Variants in GPHN observed in about 807,000 individuals in gnomAD.
GPHN encodes the protein gephyrin.
A neutral mutation model predicts 95.5 loss-of-function variants in GPHN; 17 were observed. The ratio of observed to expected loss-of-function variants is 0.18; its 90% CI spans 0.12 to 0.27. GPHN has a LOEUF of 0.27. Ranked by LOEUF, GPHN falls within the 10% of genes least tolerant of loss-of-function variation. The pLI is 1.00. For missense variants in GPHN, 660 were observed against 978.1 expected (o/e 0.67, Z 4.34); for synonymous variants, 320 against 322.5 (o/e 0.99, Z 0.08).
At chr14:67,064,644 T>A (rs1285582159) in intron 11 of GPHN, among the ~76,000 whole-genome samples, 1 of 152,238 alleles carries the variant, frequency 6.6e-6, no homozygotes, top group East Asian at 1.9e-4. Context: ...ATTCAACTTC[T>A]TCCTGCTTTA....
intron 9 of GPHN, among the ~76,000 whole-genome samples, chr14:67,008,333 G>A (rs1285694012): frequency 6.6e-6 from 1 of 151,698 alleles, no homozygotes; most frequent in Non-Finnish European, 1.5e-5. Context: ...GTGCGTGCCT[G>A]TAATCCCAGC....
the GPHN span, among the ~76,000 whole-genome samples, chr14:67,659,012 G>A: frequency 1.1e-4 from 16 of 152,206 alleles, no homozygotes; most frequent in Admixed American, 5.9e-4. Context: ...TTTGTGTTGT[G>A]TTTGTGGAAG....
chr14:67,546,309 G>A, the GPHN span, among the ~76,000 whole-genome samples: 3 of 152,222 alleles, frequency 2.0e-5, no homozygotes, highest in Admixed American at 6.5e-5. Context: ...AAGGGTTGAC[G>A]AAGCCGAATG....
At chr14:67,136,501 T>C (rs777817261) in intron 17 of GPHN, among the ~76,000 whole-genome samples, 1 of 152,186 alleles carries the variant, frequency 6.6e-6, no homozygotes, top group African/African-American at 2.4e-5. Flanking sequence ...CTAAAAAAAT[T>C]TATAGCTTTG....
intron 10 of GPHN, among the ~76,000 whole-genome samples, chr14:67,024,326 G>C: frequency 6.6e-6 from 1 of 151,914 alleles, no homozygotes; most frequent in East Asian, 1.9e-4. Context: ...AAAAGATTTG[G>C]GATCCTAAGA....
chr14:67,099,398 G>C (rs2077571713), intron 12 of GPHN, among the ~76,000 whole-genome samples: 1 of 151,868 alleles, frequency 6.6e-6, no homozygotes, highest in East Asian at 1.9e-4. Flanking sequence ...TGGGATGACA[G>C]GTGTGAGCCA....
chr14:66,689,508 A>G (rs2093697415), intron 2 of GPHN, among the ~76,000 whole-genome samples: 1 of 152,104 alleles, frequency 6.6e-6, no homozygotes, highest in Non-Finnish European at 1.5e-5. Flanking sequence ...GTTGGTCTGT[A>G]GTTTTTGCAT....
intron 17 of GPHN, among the ~76,000 whole-genome samples, chr14:67,134,589 T>C (rs2079925299): frequency 6.6e-6 from 1 of 152,196 alleles, no homozygotes; most frequent in Non-Finnish European, 1.5e-5. Flanking sequence ...GTGCCTACAA[T>C]GTGCAGGAAT....
the GPHN span, among the ~76,000 whole-genome samples, chr14:67,253,616 A>T: frequency 3.3e-5 from 5 of 152,154 alleles, no homozygotes; most frequent in African/African-American, 1.2e-4. Context: ...AGACTGAGGC[A>T]AGAGGACTGC....
the GPHN span, among the ~76,000 whole-genome samples, chr14:67,591,657 C>G: frequency 2.0e-5 from 3 of 152,110 alleles, no homozygotes; most frequent in South Asian, 6.2e-4. Context: ...TCAGCTTCCC[C>G]AGTAGCTGGG....
chr14:67,133,738 A>G (rs1024426689), intron 17 of GPHN, among the ~76,000 whole-genome samples: 9 of 152,152 alleles, frequency 5.9e-5, no homozygotes, highest in African/African-American at 2.2e-4. Context: ...TCATTCTCTG[A>G]CAGATTTATT....
At chr14:67,548,135 G>C in the GPHN span, among the ~76,000 whole-genome samples, 10 of 152,272 alleles carry the variant, frequency 6.6e-5, no homozygotes, top group East Asian at 1.5e-3. Context: ...AGCCACAAAG[G>C]CTATTCAGAC....
At chr14:67,349,589 C>G in the GPHN span, among the ~76,000 whole-genome samples, 6 of 152,218 alleles carry the variant, frequency 3.9e-5, 1 homozygote, top group African/African-American at 1.4e-4. Flanking sequence ...AATCCTGGCA[C>G]TTTGGGAGGC....
chr14:66,726,941 G>T (rs1188336979), intron 2 of GPHN, among the ~76,000 whole-genome samples: 4 of 152,130 alleles, frequency 2.6e-5, no homozygotes, highest in Admixed American at 2.6e-4. Context: ...AATGAATTTT[G>T]TGTTTAGACT....
chr14:66,999,291 C>T (rs919044791), intron 9 of GPHN, among the ~76,000 whole-genome samples: 3 of 151,522 alleles, frequency 2.0e-5, no homozygotes, highest in African/African-American at 4.8e-5. Context: ...TAATACAAAA[C>T]GTTAGTAGTG....
intron 1 of GPHN, among the ~76,000 whole-genome samples, chr14:66,536,497 A>G (rs1319165829): frequency 6.6e-6 from 1 of 152,132 alleles, no homozygotes; most frequent in Non-Finnish European, 1.5e-5. Context: ...TATTCATGAA[A>G]GATATTGGCC....
chr14:66,818,936 G>T (rs1027546146), intron 3 of GPHN, among the ~76,000 whole-genome samples: 4 of 152,094 alleles, frequency 2.6e-5, no homozygotes, highest in South Asian at 2.1e-4. Flanking sequence ...TTTTTAATGG[G>T]TTTTTTCCCT....
chr14:67,312,793 C>T, the GPHN span: 1 of 1,073,204 alleles, frequency 9.3e-7, no homozygotes, highest in South Asian at 2.8e-5. Flanking sequence ...CTCACTCTTT[C>T]ATGCCTCTAT....
At chr14:67,466,868 G>T in the GPHN span, among the ~76,000 whole-genome samples, 1 of 151,920 alleles carries the variant, frequency 6.6e-6, no homozygotes, top group East Asian at 1.9e-4. Flanking sequence ...GGTGGCACGG[G>T]CCTGTAATCC....
Sources: allele counts gnomAD v4.1 joint callset (sites outside exome capture counted in the v4.1 genomes callset), GRCh38; gene constraint gnomAD v4.1.1; transcripts MANE v1.5; gene names NCBI Gene and HGNC (gene_info 2026-07-23, HGNC 2026-07-21).